Variants in NRXN3 observed in about 807,000 individuals in gnomAD.
NRXN3 encodes the protein neurexin III.
In NRXN3, 32 loss-of-function variants were observed where a neutral mutation model predicts 137.6. The observed-to-expected ratio is 0.23, with a 90% confidence interval of 0.18 to 0.31. The LOEUF is 0.31. Ranked by LOEUF, NRXN3 falls within the 10% of genes least tolerant of loss-of-function variation. NRXN3 has a pLI of 1.00. For missense variants in NRXN3, 1,574 were observed against 2,062.5 expected, an observed-to-expected ratio of 0.76 and a Z score of 4.59; for synonymous variants, 798 against 784.5, an observed-to-expected ratio of 1.02 and a Z score of -0.29.
chr14:79,768,219 C>A (rs1243724043), intron 19 of NRXN3, among the ~76,000 whole-genome samples: 1 of 152,220 alleles, frequency 6.6e-6, no homozygotes, highest in Non-Finnish European at 1.5e-5. Flanking sequence ...ATTGCCCAGG[C>A]TTGCTTAGGT....
intron 15 of NRXN3, among the ~76,000 whole-genome samples, chr14:79,344,242 C>T (rs1328299340): frequency 6.6e-6 from 1 of 152,132 alleles, no homozygotes; most frequent in African/African-American, 2.4e-5. Flanking sequence ...CCTTCCAGGG[C>T]TCATCTGACC....
At chr14:78,757,602 C>A (rs945834867) in intron 8 of NRXN3, among the ~76,000 whole-genome samples, 3 of 152,112 alleles carry the variant, frequency 2.0e-5, no homozygotes, top group African/African-American at 7.2e-5. Flanking sequence ...TGAAACTCTG[C>A]ATTTCCCAAA....
intron 4 of NRXN3, among the ~76,000 whole-genome samples, chr14:78,443,798 T>C (rs147283310): frequency 2.8e-4 from 43 of 152,332 alleles, no homozygotes; most frequent in Admixed American, 1.2e-3. Context: ...TAGTAGGAGC[T>C]TAGTCATTGT....
intron 4 of NRXN3, among the ~76,000 whole-genome samples, chr14:78,383,960 T>G (rs1189608388): frequency 6.6e-6 from 1 of 152,206 alleles, no homozygotes; most frequent in Non-Finnish European, 1.5e-5. Context: ...GTCTACATGG[T>G]AAAAGCCAAT....
At chr14:79,377,924 C>G (rs2153448606) in intron 15 of NRXN3, among the ~76,000 whole-genome samples, 1 of 152,264 alleles carries the variant, frequency 6.6e-6, no homozygotes, top group Admixed American at 6.5e-5. Context: ...ATCAGTTATA[C>G]AGGTTGAAAT....
intron 10 of NRXN3, among the ~76,000 whole-genome samples, chr14:78,853,964 A>G (rs1257907492): frequency 1.3e-5 from 2 of 152,176 alleles, no homozygotes; most frequent in Non-Finnish European, 2.9e-5. Flanking sequence ...GTATAATTTC[A>G]ATATTCAGGC....
chr14:78,547,843 A>G (rs1035086766), intron 4 of NRXN3, among the ~76,000 whole-genome samples: 9 of 152,162 alleles, frequency 5.9e-5, no homozygotes, highest in African/African-American at 2.2e-4. Context: ...GAGCACTGTC[A>G]ATCTAATATT....
At position 78,264,645 on chromosome 14, in the gene NRXN3, G is replaced by A. The variant is rs2071388390; in HGVS notation, c.710-14000G>A. On this transcript the variant is annotated intron_variant, in intron 2 of 20. Transcript: ENST00000335750. ...TTCACGTGTTCTTGTGTGGATATGT[G>A]TGAGCATGAAAGTGGTCTGTTTTGC... is the stretch of plus-strand genomic sequence containing the variant. Among the ~76,000 whole-genome samples, 5 of 152,318 alleles carry A rather than the reference G, an allele frequency of 3.3e-5. No individual in the cohort carries two copies. The South Asian group carries it at 1.0e-3, about 32-fold the overall frequency.
rs146175403 is a variant in NRXN3 at position 79,448,122 on chromosome 14, C to G, written c.3263-19099C>G. On this transcript the variant is annotated intron_variant, in intron 15 of 20. Transcript: ENST00000335750. ...TCCCTTCTCTCCTTTGCATCATCCACTCCAGCGACACTGGTTTCCTTGCTG... is the reference window on the plus strand; with the variant it reads ...TCCCTTCTCTCCTTTGCATCATCCAGTCCAGCGACACTGGTTTCCTTGCTG... Among the ~76,000 whole-genome samples the G allele has an allele frequency of 2.7e-3, 413 of 152,294 alleles. 3 individuals carry two copies. Among genetic ancestry groups the G allele is most frequent in the African/African-American group, 9.6e-3 (397 of 41,570 alleles).
intron 4 of NRXN3, among the ~76,000 whole-genome samples, chr14:78,306,521 A>G (rs919469735): frequency 1.3e-5 from 2 of 152,198 alleles, no homozygotes; most frequent in African/African-American, 4.8e-5. Context: ...ATGGAAAGAT[A>G]CTTAATGAGA....
At chr14:79,280,378 C>A (rs780547164) in intron 15 of NRXN3, 1 of 1,614,126 alleles carries the variant, frequency 6.2e-7, no homozygotes, top group Non-Finnish European at 8.5e-7. Flanking sequence ...GGGGATGTAT[C>A]GTCAGCTCTG....
Position 79,096,752 on chromosome 14 carries a change from C to G in NRXN3, c.3262+108611C>G, listed in dbSNP as rs997716513. On this transcript the variant is annotated intron_variant, in intron 15 of 20. Transcript: ENST00000335750. ...TTGCTGCTGCCCATATTCCCCTCCC[C>G]CAACAGATCCCAATCACCCTTCTTG... Among the ~76,000 whole-genome samples, 11 of 152,258 alleles carry G rather than the reference C, an allele frequency of 7.2e-5. 1 individual carries two copies. Among genetic ancestry groups the G allele is most frequent in the Admixed American group, 2.6e-4 (4 of 15,300 alleles).
intron 10 of NRXN3, among the ~76,000 whole-genome samples, chr14:78,945,034 A>C (rs1038575537): frequency 6.6e-6 from 1 of 152,308 alleles, no homozygotes; most frequent in Non-Finnish European, 1.5e-5. Flanking sequence ...AAATGACAGG[A>C]CTATTTTATG....
intron 6 of NRXN3, among the ~76,000 whole-genome samples, chr14:78,684,651 G>A (rs1031583880): frequency 6.6e-6 from 1 of 151,858 alleles, no homozygotes; most frequent in Non-Finnish European, 1.5e-5. Flanking sequence ...AAAATTAGCT[G>A]GGCATGGTGG....
chr14:78,225,688 C>G (rs937323528), intron 1 of NRXN3, among the ~76,000 whole-genome samples: 5 of 152,144 alleles, frequency 3.3e-5, no homozygotes, highest in African/African-American at 1.2e-4. Flanking sequence ...CCCACCCATC[C>G]TGCATTCCAG....
chr14:78,621,263 T>A (rs1379613978), intron 4 of NRXN3, among the ~76,000 whole-genome samples: 3 of 152,226 alleles, frequency 2.0e-5, no homozygotes, highest in Non-Finnish European at 2.9e-5. Flanking sequence ...TTTTTCTTTT[T>A]TCAGTAAAAT....
chr14:78,567,343 G>A (rs1272767229), intron 4 of NRXN3, among the ~76,000 whole-genome samples: 2 of 152,224 alleles, frequency 1.3e-5, no homozygotes. Context: ...CCCAGAGCTG[G>A]CTGTGCCAGT....
At chr14:78,823,472 C>G (rs2098957087) in intron 10 of NRXN3, among the ~76,000 whole-genome samples, 1 of 152,230 alleles carries the variant, frequency 6.6e-6, no homozygotes, top group Admixed American at 6.5e-5. Flanking sequence ...CTACTCCAGG[C>G]AGGTCTAGCT....
chr14:79,412,628 A>G (rs558378475), intron 15 of NRXN3, among the ~76,000 whole-genome samples: 10 of 151,566 alleles, frequency 6.6e-5, no homozygotes, highest in Admixed American at 2.6e-4. Context: ...AAAAAAATAC[A>G]AAAAAGTAGC....
Sources: gnomAD v4.1 joint callset for allele counts (sites outside exome capture counted in the v4.1 genomes callset) on GRCh38, gnomAD v4.1.1 for gene constraint, MANE v1.5 for transcripts, NCBI Gene and HGNC (gene_info 2026-07-23, HGNC 2026-07-21) for gene names.